The following MAN2A2 variants were observed in gnomAD, a reference collection of about 807,000 sequenced individuals.
MAN2A2 encodes alpha-mannosidase 2x.
A neutral mutation model predicts 126.8 loss-of-function variants in MAN2A2; 79 were observed. The ratio of observed to expected loss-of-function variants is 0.62; its 90% CI spans 0.52 to 0.75. The LOEUF (loss-of-function observed/expected upper bound fraction) is 0.75, where lower values mean the gene tolerates loss of function less well. MAN2A2 is among the 30% of genes least tolerant of loss of function. MAN2A2 has a pLI of 0.00. For missense variants in MAN2A2, 1,392 were observed against 1,522.4 expected (o/e 0.91, Z 1.43); for synonymous variants, 671 against 618.7 (o/e 1.08, Z -1.25).
chr15:90,906,612 T>TG, intron 6 of MAN2A2, 115 bp downstream of exon 6: 1 of 1,568,004 alleles, frequency 6.4e-7, no homozygotes, highest in East Asian at 2.2e-5. Flanking sequence ...TCCCACCATG[T>TG]GGGCCTGGTG....
chr15:90,916,670 G>A (rs2035210978), intron 20 of MAN2A2: 3 of 1,292,966 alleles, frequency 2.3e-6, no homozygotes, highest in Admixed American at 2.3e-5. Flanking sequence ...GGTAAGGGTC[G>A]GCTCTGGGAG....
intron 1 of MAN2A2, chr15:90,903,642 G>T: frequency 4.6e-6 from 1 of 217,286 alleles, no homozygotes. Flanking sequence ...CACAGGGCTT[G>T]CTTTATGCTA....
chr15:90,915,086 C>A (rs77569213), intron 19 of MAN2A2, among the ~76,000 whole-genome samples: 1 of 152,198 alleles, frequency 6.6e-6, no homozygotes, highest in African/African-American at 2.4e-5. Flanking sequence ...GAGGAGTGTG[C>A]CTTTCTCTGC....
chr15:90,917,160 T>G (rs1049082500), intron 20 of MAN2A2, among the ~76,000 whole-genome samples: 1 of 152,214 alleles, frequency 6.6e-6, no homozygotes, highest in Non-Finnish European at 1.5e-5. Context: ...AAATTTGCTT[T>G]CTTATTCCTA....
Position 90,904,311 on chromosome 15 carries a change from G to C in MAN2A2, c.104G>C (p.Arg35Pro). ...GACCGAGTGCAACACGATCCCACCC[G>C]ACACCAGAATGGTGGGAACTTCCCC... ...MLDRVQHDPT[R>P]HQNGGNFPRS... is the part of the protein sequence containing the mutation. Residue 35 changes from arginine to proline, a missense_variant, in exon 2 of 23, where the codon CGA becomes CCA. Coordinates refer to ENST00000559717, the MANE Select transcript of MAN2A2 (RefSeq NM_006122.4). 2 of 1,614,086 alleles carry C rather than the reference G, an allele frequency of 1.2e-6. No homozygotes were observed. The highest frequency in any genetic ancestry group is 1.7e-6 in the Non-Finnish European group (2 of 1,180,000).
At chr15:90,911,631 CCTCCTGCTTGTGGCCCTGCTACT>C in intron 14 of MAN2A2, 81 bp downstream of exon 14, 2 of 1,442,800 alleles carry the variant, frequency 1.4e-6, no homozygotes, top group Non-Finnish European at 1.9e-6. Context: ...AGCCTCCCAC[CCTCCTGCTTGTGGCCCTGCTACT>C]CTCCAGGCTG....
rs1332212211 is a variant in MAN2A2 at position 90,903,323 on chromosome 15, A to C, written c.-128A>C. ...AATCAGATCGCGCTAAGTAGGGCAC[A>C]ACGCAGAGGCGACAAAGCTCCTCGG... On this transcript the variant is annotated 5_prime_UTR_variant, in exon 1 of 23. Coordinates refer to ENST00000559717, the MANE Select transcript of MAN2A2 (RefSeq NM_006122.4). The C allele has an allele frequency of 6.6e-6, 1 of 152,450 alleles. No homozygotes were observed. The highest frequency in any genetic ancestry group is 1.5e-5 in the Non-Finnish European group (1 of 68,224). 9.4% of individuals were successfully genotyped at this position (152,450 alleles called of 1,614,324 possible). A position where few individuals can be genotyped will look rare whatever the true frequency, so the allele number is the denominator to read the frequency against.
rs577474817 is a variant in MAN2A2, at chr15:90,908,357, G to A, written c.1196+862G>A. The stretch of plus-strand genomic sequence containing the variant: ...GAAAAGTACAAGCTGGGCCAGCGCC[G>A]CTAAGTAGATTAGTTGACTCTTTGG... On this transcript the variant is annotated intron_variant, in intron 8 of 22. Transcript: ENST00000559717. 3.9e-5 allele frequency among the ~76,000 whole-genome samples: 6 copies of A among 152,314 alleles called. No homozygotes were observed. In the South Asian group the frequency reaches 6.2e-4, roughly 16 times the overall value.
intron 6 of MAN2A2, 88 bp from the exon 7 acceptor site, chr15:90,906,652 C>A: frequency 6.4e-7 from 1 of 1,573,386 alleles, no homozygotes; most frequent in Non-Finnish European, 8.6e-7. Context: ...ACTACCAGGA[C>A]AAGAGCTGGG....
In MAN2A2 at chr15:90,919,886, T is replaced by TC; in HGVS notation, c.*102dup. 7.1e-7 allele frequency: 1 copy of TC among 1,401,662 alleles called. No individual in the cohort carries two copies. Among genetic ancestry groups the TC allele is most frequent in the Admixed American group, 1.9e-5 (1 of 51,440 alleles). 86.8% of individuals were successfully genotyped at this position (1,401,662 alleles called of 1,614,324 possible). On this transcript the variant is annotated 3_prime_UTR_variant, in exon 23 of 23. Transcript: ENST00000559717. ...CACGGGTATCCCATCCCGATCTGCC[T>TC]CCCAGAACTGTGACACACTGGGCTC...
chr15:90,910,432 G>A (rs1193880917), intron 10 of MAN2A2, 69 bp from the exon 11 acceptor site: 1 of 1,587,482 alleles, frequency 6.3e-7, no homozygotes, highest in South Asian at 1.1e-5. Flanking sequence ...GAAGGAGGCT[G>A]CACTGGCAGA....
rs760000873 is a variant in MAN2A2 at position 90,913,277 on chromosome 15, G to A, written c.2589G>A (p.Val863=). The A allele has an allele frequency of 9.9e-6, 16 of 1,613,952 alleles. No individual in the cohort carries two copies. The highest frequency in any genetic ancestry group is 1.4e-5 in the Non-Finnish European group (16 of 1,179,912). Residue 863 remains valine (V), a synonymous_variant, in exon 18 of 23, where the codon GTG becomes GTA. Transcript: ENST00000559717. The part of the protein sequence containing the change: ...QAVRLYNLPG[V]EGLSLDISSL... ...CCACTTTGTTCCTGTACCCAGGGGT[G>A]GAGGGGCTGTCTCTGGACATATCAT... is the stretch of plus-strand genomic sequence containing the variant.
chr15:90,916,728 C>CA, intron 20 of MAN2A2: 1 of 1,148,848 alleles, frequency 8.7e-7, no homozygotes, highest in Non-Finnish European at 1.2e-6. Context: ...GCCCAGGTGA[C>CA]AGAGCCCGCC....
At chr15:90,906,650 G>A in intron 6 of MAN2A2, 90 bp from the exon 7 acceptor site, 1 of 1,573,040 alleles carries the variant, frequency 6.4e-7, no homozygotes, top group Non-Finnish European at 8.6e-7. Context: ...TCACTACCAG[G>A]ACAAGAGCTG....
intron 20 of MAN2A2, among the ~76,000 whole-genome samples, chr15:90,917,484 G>A (rs1048111222): frequency 1.4e-4 from 21 of 152,240 alleles, no homozygotes; most frequent in African/African-American, 4.6e-4. Flanking sequence ...GGGTGACAGC[G>A]GGAGGCTGTT....
chr15:90,912,867 C>G lies in MAN2A2; in HGVS notation c.2470-10C>G, dbSNP rs750844106. ...GCTGTAGTTTCAACAGCAATCTGCT[C>G]TTTCTCTAGCCCTACGTCCCCAAGG... is the stretch of plus-strand genomic sequence containing the variant. On this transcript the variant is annotated splice_polypyrimidine_tract_variant and intron_variant, in intron 16 of 22. Transcript: ENST00000559717. 1 of 1,610,672 alleles carries G rather than the reference C, an allele frequency of 6.2e-7. No individual in the cohort carries two copies. Among genetic ancestry groups the G allele is most frequent in the Non-Finnish European group, 8.5e-7 (1 of 1,177,312 alleles).
intron 7 of MAN2A2, 159 bp from the exon 8 acceptor site, chr15:90,907,150 C>A: frequency 1.2e-6 from 1 of 845,476 alleles, no homozygotes; most frequent in South Asian, 1.7e-5. Flanking sequence ...CTGAGGGAGC[C>A]CCTCATGTCT....
intron 14 of MAN2A2, 162 bp downstream of exon 14, chr15:90,911,712 G>T: frequency 1.3e-6 from 1 of 769,646 alleles, no homozygotes; most frequent in Non-Finnish European, 2.0e-6. Flanking sequence ...AGGCACTCTT[G>T]GGATTTGAGC....
Position 90,912,586 on chromosome 15 carries a change from G to C in MAN2A2, c.2391G>C (p.Met797Ile). ...VDEEHEQQVD[M>I]QVLVYGTRTS... ...AGGAGCACGAGCAGCAGGTGGACATGCAGGTCCTTGTCTATGGCACCCGTA... is the reference window on the plus strand; with the variant it reads ...AGGAGCACGAGCAGCAGGTGGACATCCAGGTCCTTGTCTATGGCACCCGTA... Residue 797 changes from methionine (M) to isoleucine (I), a missense_variant, in exon 16 of 23, where the codon ATG (methionine) becomes ATC (isoleucine). Coordinates refer to ENST00000559717, the MANE Select transcript of MAN2A2 (RefSeq NM_006122.4). 1 of 1,614,190 alleles carries C rather than the reference G, an allele frequency of 6.2e-7. No individual in the cohort carries two copies. Among genetic ancestry groups the C allele is most frequent in the Non-Finnish European group, 8.5e-7 (1 of 1,180,024 alleles).
Sources: allele counts gnomAD v4.1 joint callset (sites outside exome capture counted in the v4.1 genomes callset), GRCh38; gene constraint gnomAD v4.1.1; transcripts MANE v1.5; gene names NCBI Gene and HGNC (gene_info 2026-07-23, HGNC 2026-07-21).